CAMK1D: variants seen among roughly 807,000 people sequenced by gnomAD.
The protein encoded by CAMK1D is calcium/calmodulin dependent protein kinase ID, also known as calcium/calmodulin-dependent protein kinase type 1D.
CAMK1D carries 9 observed loss-of-function variants against 47.7 expected under a neutral mutation model. The ratio of observed to expected loss-of-function variants is 0.19; its 90% CI spans 0.11 to 0.33. The LOEUF is 0.33. Among genes scored for constraint, CAMK1D ranks in the 10% least tolerant of loss-of-function variants. The pLI is 1.00. For synonymous variants in CAMK1D, 184 were observed against 184.9 expected (o/e 0.99, Z 0.04); for missense variants, 291 against 488.7 (o/e 0.60, Z 3.81).
At chr10:12,387,337 G>GATATATATATTATATTTTATATATATA (rs1376429140) in intron 1 of CAMK1D, among the ~76,000 whole-genome samples, 4 of 125,142 alleles carry the variant, frequency 3.2e-5, no homozygotes, top group Non-Finnish European at 6.7e-5. Context: ...TTGAGTTTGA[G>GATATATATATTATATTTTATATATATA]ATATATATAT....
At chr10:12,798,128 T>C (rs1335570168) in intron 6 of CAMK1D, among the ~76,000 whole-genome samples, 2 of 152,152 alleles carry the variant, frequency 1.3e-5, no homozygotes, top group African/African-American at 4.8e-5. Context: ...AGCCGTCACT[T>C]TTGTGCCCTG....
intron 1 of CAMK1D, among the ~76,000 whole-genome samples, chr10:12,475,769 A>G (rs986514984): frequency 1.3e-5 from 2 of 151,792 alleles, no homozygotes; most frequent in African/African-American, 4.8e-5. Context: ...ATGATGTTAG[A>G]GATGGACTTC....
chr10:12,474,339 C>CTCA (rs1833839095), intron 1 of CAMK1D, among the ~76,000 whole-genome samples: 4 of 151,772 alleles, frequency 2.6e-5, no homozygotes, highest in Non-Finnish European at 1.5e-5. Flanking sequence ...GCTGAGGAGC[C>CTCA]CACCACCACG....
intron 1 of CAMK1D, among the ~76,000 whole-genome samples, chr10:12,438,966 A>G (rs1035502089): frequency 1.1e-4 from 16 of 152,146 alleles, no homozygotes; most frequent in African/African-American, 3.4e-4. Context: ...TTTGCTTTCT[A>G]TGGAATTTTC....
At chr10:12,531,052 T>C (rs570698753) in intron 1 of CAMK1D, among the ~76,000 whole-genome samples, 2 of 97,304 alleles carry the variant, frequency 2.1e-5, no homozygotes, top group African/African-American at 8.2e-5. Context: ...GGTGAGACTC[T>C]GCTTAAAAAA....
At chr10:12,435,890 A>G (rs955895853) in intron 1 of CAMK1D, among the ~76,000 whole-genome samples, 1 of 152,136 alleles carries the variant, frequency 6.6e-6, no homozygotes, top group South Asian at 2.1e-4. Context: ...CCTTCCTTGC[A>G]TGTTCCTTTA....
intron 2 of CAMK1D, among the ~76,000 whole-genome samples, chr10:12,568,828 G>A (rs1469633643): frequency 1.3e-5 from 2 of 152,152 alleles, no homozygotes; most frequent in Non-Finnish European, 2.9e-5. Flanking sequence ...TCCTTATGCA[G>A]ATGTGCGTGC....
chr10:12,409,066 A>G (rs10906145), intron 1 of CAMK1D, among the ~76,000 whole-genome samples: 42,816 of 151,780 alleles, frequency 0.28, 6,052 homozygotes, highest in Middle Eastern at 0.34. Flanking sequence ...CATGTTGGCC[A>G]GGCTGGTTTT....
intron 6 of CAMK1D, among the ~76,000 whole-genome samples, chr10:12,809,643 A>G (rs1473093459): frequency 6.6e-6 from 1 of 152,250 alleles, no homozygotes; most frequent in Admixed American, 6.5e-5. Context: ...ATAGAAAGAC[A>G]TATAATGCAG....
intron 1 of CAMK1D, among the ~76,000 whole-genome samples, chr10:12,450,474 C>T (rs1051078854): frequency 1.3e-5 from 2 of 152,030 alleles, no homozygotes; most frequent in South Asian, 4.2e-4. Flanking sequence ...GAGACATAAA[C>T]GTGGCTCTCT....
chr10:12,406,722 CAAAAAAAAAAAAAA>C (rs3061400), intron 1 of CAMK1D, among the ~76,000 whole-genome samples: 28,349 of 70,520 alleles, frequency 0.4, 3,741 homozygotes, highest in Admixed American at 0.54. Flanking sequence ...GACCCTGTCT[CAAAAAAAAAAAAAA>C]AAAAAAAAAA....
intron 8 of CAMK1D, among the ~76,000 whole-genome samples, chr10:12,824,090 GT>G (rs1427582697): frequency 6.6e-6 from 1 of 152,078 alleles, no homozygotes; most frequent in East Asian, 1.9e-4. Flanking sequence ...TCAAAAGCTT[GT>G]GTGGAGGCAG....
intron 3 of CAMK1D, among the ~76,000 whole-genome samples, chr10:12,750,296 T>A (rs2130872646): frequency 6.6e-6 from 1 of 152,340 alleles, no homozygotes; most frequent in East Asian, 1.9e-4. Flanking sequence ...TGTGCCCACA[T>A]GCTGTGCATA....
intron 3 of CAMK1D, among the ~76,000 whole-genome samples, chr10:12,736,260 G>C (rs1201301067): frequency 6.6e-6 from 1 of 152,110 alleles, no homozygotes; most frequent in Non-Finnish European, 1.5e-5. Flanking sequence ...GCGTGGCCCT[G>C]CCCATGTGTC....
intron 1 of CAMK1D, among the ~76,000 whole-genome samples, chr10:12,423,867 A>G (rs1840138426): frequency 6.6e-6 from 1 of 152,160 alleles, no homozygotes; most frequent in South Asian, 2.1e-4. Context: ...ATCTGAAATG[A>G]GAAAAGCCTT....
intron 1 of CAMK1D, among the ~76,000 whole-genome samples, chr10:12,408,848 CTTTTTTT>C (rs113921067): frequency 1.1e-4 from 13 of 121,872 alleles, no homozygotes; most frequent in African/African-American, 1.9e-4. Context: ...TTCTTTCTTT[CTTTTTTT>C]TTTTTTTTTT....
chr10:12,516,075 C>A (rs1177531370), intron 1 of CAMK1D, among the ~76,000 whole-genome samples: 1 of 152,034 alleles, frequency 6.6e-6, no homozygotes, highest in East Asian at 1.9e-4. Context: ...TTTGTTTCAC[C>A]ATTCTCAGTT....
chr10:12,492,304 C>T (rs1015950544), intron 1 of CAMK1D, among the ~76,000 whole-genome samples: 11 of 148,560 alleles, frequency 7.4e-5, no homozygotes, highest in African/African-American at 2.5e-4. Context: ...GAAATCAAAC[C>T]GTGGGGTTCT....
chr10:12,547,407 A>G (rs778302430), intron 1 of CAMK1D, among the ~76,000 whole-genome samples: 33 of 152,184 alleles, frequency 2.2e-4, no homozygotes, highest in African/African-American at 6.0e-4. Flanking sequence ...CAGGTTGCCA[A>G]TATGATTCAG....
Sources: gnomAD v4.1 joint callset for allele counts (sites outside exome capture counted in the v4.1 genomes callset) on GRCh38, gnomAD v4.1.1 for gene constraint, MANE v1.5 for transcripts, NCBI Gene and HGNC (gene_info 2026-07-23, HGNC 2026-07-21) for gene names.